Variants in TLR4 observed in about 807,000 individuals in gnomAD.
TLR4 encodes toll like receptor 4, also known as toll-like receptor 4.
TLR4 carries 17 observed loss-of-function variants against 27.4 expected under a neutral mutation model. The observed-to-expected ratio is 0.62, with a 90% CI of 0.42 to 0.93. TLR4 has a LOEUF of 0.93. Among genes scored for constraint, TLR4 ranks in the 40% least tolerant of loss-of-function variants. TLR4 has a pLI of 0.00. For missense variants in TLR4, 926 were observed against 962.3 expected (o/e 0.96, Z 0.50); for synonymous variants, 363 against 365.7 (o/e 0.99, Z 0.08).
chr9:117,710,067 G>T (rs1489916152), intron 2 of TLR4, among the ~76,000 whole-genome samples: 1 of 151,768 alleles, frequency 6.6e-6, no homozygotes, highest in Admixed American at 6.6e-5. Flanking sequence ...AATTTCATTA[G>T]GTTTTTAAAA....
At position 117,720,319 on chromosome 9, in the gene TLR4, A is replaced by G. The variant is rs1829408313; in HGVS notation, c.*5671A>G. On this transcript the variant is annotated 3_prime_UTR_variant, in exon 3 of 3. Transcript: ENST00000355622. ...GGGTGGTTAGTGGAGTGAATGGAGA[A>G]TAATTTAGACAAGGTCAGTAACTCC... The G allele has an allele frequency of 6.6e-6, 1 of 152,116 alleles. No homozygotes were observed. Among genetic ancestry groups the G allele is most frequent in the Non-Finnish European group, 1.5e-5 (1 of 68,022 alleles). The allele number at this position is 152,116 out of a possible 1,614,324, so 9.4% of individuals were successfully genotyped here.
In TLR4 at chr9:117,709,596, G is replaced by A. The variant is rs184512166; in HGVS notation, c.260+867G>A. Among the ~76,000 whole-genome samples, 65 of 152,102 alleles carry A rather than the reference G, an allele frequency of 4.3e-4. 1 individual carries two copies. The highest frequency in any genetic ancestry group is 2.5e-4 in the Non-Finnish European group (17 of 67,964). On this transcript the variant is annotated intron_variant, in intron 2 of 2. Coordinates refer to ENST00000355622, the MANE Select transcript of TLR4 (RefSeq NM_138554.5). Reference sequence around the variant, plus strand: ...ATCATCGGGGCCTTATTTGCAAATCGAACTAGATAATGGATCATGTTCTCT... The same window carrying A: ...ATCATCGGGGCCTTATTTGCAAATCAAACTAGATAATGGATCATGTTCTCT...
rs1829387951 is a variant in TLR4, at chr9:117,718,689, T to C, written c.*4041T>C. On this transcript the variant is annotated 3_prime_UTR_variant, in exon 3 of 3. Coordinates refer to ENST00000355622, the MANE Select transcript of TLR4 (RefSeq NM_138554.5). ...AAATAAGAATAGAACTATGACTTTGTAAGGTTGCTCTAAGGATTGAAAATC... is the reference window on the plus strand; with the variant it reads ...AAATAAGAATAGAACTATGACTTTGCAAGGTTGCTCTAAGGATTGAAAATC... 6.6e-6 allele frequency: 1 copy of C among 152,150 alleles called. No homozygotes were observed. The highest frequency in any genetic ancestry group is 1.5e-5 in the Non-Finnish European group (1 of 68,024). 9.4% of individuals were successfully genotyped at this position (152,150 alleles called of 1,614,324 possible). A position where few individuals can be genotyped will look rare whatever the true frequency, so the allele number is the denominator to read the frequency against.
At chr9:117,707,075 A>G (rs754445741) in intron 1 of TLR4, among the ~76,000 whole-genome samples, 5 of 152,224 alleles carry the variant, frequency 3.3e-5, no homozygotes, top group African/African-American at 4.8e-5. Context: ...CAAACTTGCA[A>G]TGGAATACAG....
In TLR4 at chr9:117,712,785, A is replaced by G. The variant is rs775821556; in HGVS notation, c.657A>G (p.Gln219=). ...DLSLNPMNFI[Q]PGAFKEIRLH... ...CCCTGAACCCTATGAACTTTATCCAACCAGGTGCATTTAAAGAAATTAGGC... is the reference window on the plus strand; with the variant it reads ...CCCTGAACCCTATGAACTTTATCCAGCCAGGTGCATTTAAAGAAATTAGGC... Residue 219 remains glutamine (Q), a synonymous_variant, in exon 3 of 3, where the codon CAA becomes CAG. Transcript: ENST00000355622. 6 of 1,614,026 alleles carry G rather than the reference A, an allele frequency of 3.7e-6. No homozygotes were observed. In the East Asian group the frequency reaches 6.7e-5, roughly 18 times the overall value.
chr9:117,713,624 C>A lies in TLR4; in HGVS notation c.1496C>A (p.Thr499Asn). 1.2e-6 allele frequency: 2 copies of A among 1,614,062 alleles called. No individual in the cohort carries two copies. The highest frequency in any genetic ancestry group is 1.7e-6 in the Non-Finnish European group (2 of 1,180,010). ...PDIFTELRNL[T>N]FLDLSQCQLE... Reference sequence around the variant, plus strand: ...ATCTTCACAGAGCTGAGAAACTTGACCTTCCTGGACCTCTCTCAGTGTCAA... The same window carrying A: ...ATCTTCACAGAGCTGAGAAACTTGAACTTCCTGGACCTCTCTCAGTGTCAA... The change falls in exon 3 of 3, where the codon ACC becomes AAC. Residue 499 changes from threonine (T) to asparagine (N), a missense_variant. Coordinates refer to ENST00000355622, the MANE Select transcript of TLR4 (RefSeq NM_138554.5).
chr9:117,711,619 T>C (rs1829232769), intron 2 of TLR4, among the ~76,000 whole-genome samples: 1 of 152,196 alleles, frequency 6.6e-6, no homozygotes, highest in South Asian at 2.1e-4. Context: ...GTCATTTTTT[T>C]TCTGTCAACC....
rs777038693 is a variant in TLR4, at chr9:117,712,554, G to C, written c.426G>C (p.Glu142Asp). 1.1e-5 allele frequency: 17 copies of C among 1,613,900 alleles called. No individual in the cohort carries two copies. In the South Asian group the frequency reaches 1.9e-4, roughly 18 times the overall value. The part of the protein sequence containing the change: ...VAVETNLASL[E>D]NFPIGHLKTL... The stretch of plus-strand genomic sequence containing the variant: ...TGGAGACAAATCTAGCATCTCTAGA[G>C]AACTTCCCCATTGGACATCTCAAAA... Residue 142 changes from glutamate to aspartate, a missense_variant, in exon 3 of 3, where the codon GAG (glutamate) becomes GAC (aspartate). Coordinates refer to ENST00000355622, the MANE Select transcript of TLR4 (RefSeq NM_138554.5).
rs16906079 is a variant in TLR4 at position 117,712,651 on chromosome 9, A to G, written c.523A>G (p.Thr175Ala). The G allele has an allele frequency of 5.1e-4, 830 of 1,613,610 alleles. 7 individuals carry two copies. The East Asian group carries it at 9.7e-3, about 19-fold the overall frequency. Residue 175 changes from threonine (T) to alanine (A), a missense_variant, in exon 3 of 3, where the codon ACC becomes GCC. Physicochemically the swap from Thr to Ala is moderately conservative, Grantham distance 58. Transcript: ENST00000355622. ...FKLPEYFSNL[T>A]NLEHLDLSSN... ...ATTACCTGAGTATTTTTCTAATCTGACCAATCTAGAGCACTTGGACCTTTC... is the reference window on the plus strand; with the variant it reads ...ATTACCTGAGTATTTTTCTAATCTGGCCAATCTAGAGCACTTGGACCTTTC...
rs1290638014 is a variant in TLR4, at chr9:117,716,979, G to A, written c.*2331G>A. The stretch of plus-strand genomic sequence containing the variant: ...TTTGTTACTGAGTGTTTCAGAGTGT[G>A]TTTGGTTTGAGCAGGTCTAGGGTGA... On this transcript the variant is annotated 3_prime_UTR_variant, in exon 3 of 3. Coordinates refer to ENST00000355622, the MANE Select transcript of TLR4 (RefSeq NM_138554.5). The A allele has an allele frequency of 1.3e-5, 2 of 152,184 alleles. No homozygotes were observed. The highest frequency in any genetic ancestry group is 4.8e-5 in the African/African-American group (2 of 41,446). 9.4% of individuals were successfully genotyped at this position (152,184 alleles called of 1,614,324 possible). A position where few individuals can be genotyped will look rare whatever the true frequency, so the allele number is the denominator to read the frequency against.
intron 2 of TLR4, 136 bp downstream of exon 2, chr9:117,708,865 A>C: frequency 8.6e-7 from 1 of 1,166,114 alleles, no homozygotes; most frequent in Non-Finnish European, 1.2e-6. Flanking sequence ...TGTCTTATTA[A>C]CTATATAACC....
At position 117,708,492 on chromosome 9, in the gene TLR4, C is replaced by G. The variant is rs1270384310; in HGVS notation, c.94-71C>G. ...ACAAAAAGAGGCCCCTCTCCACCAT[C>G]TCTGGTCTAGGAGAGGGGAGTTGGG... On this transcript the variant is annotated intron_variant, in intron 1 of 2. Transcript: ENST00000355622. The G allele has an allele frequency of 5.6e-6, 9 of 1,609,714 alleles. No homozygotes were observed. The East Asian group carries it at 2.0e-4, about 36-fold the overall frequency.
chr9:117,715,348 G>A lies in TLR4; in HGVS notation c.*700G>A, dbSNP rs55996084. ...TATCATAAATAAGGTTGTTTAAGAC[G>A]TGCTTCAAATATCCATATTAACCAC... is the stretch of plus-strand genomic sequence containing the variant. On this transcript the variant is annotated 3_prime_UTR_variant, in exon 3 of 3. Coordinates refer to ENST00000355622, the MANE Select transcript of TLR4 (RefSeq NM_138554.5). The A allele has an allele frequency of 3.3e-5, 5 of 152,222 alleles. No individual in the cohort carries two copies. The South Asian group carries it at 8.3e-4, about 25-fold the overall frequency. The allele number at this position is 152,222 out of a possible 1,614,324, so 9.4% of individuals were successfully genotyped here.
rs1173316105 is a variant in TLR4 at position 117,720,685 on chromosome 9, CA to C, written c.*6038del. On this transcript the variant is annotated 3_prime_UTR_variant, in exon 3 of 3. Transcript: ENST00000355622. The stretch of plus-strand genomic sequence containing the variant: ...TCTCACTATGTAATTAAATCAAAAC[CA>C]GCCAGTTACCAATTTGAGCTCTTGA... 3 of 152,156 alleles carry C rather than the reference CA, an allele frequency of 2.0e-5. No individual in the cohort carries two copies. Among genetic ancestry groups the C allele is most frequent in the African/African-American group, 7.2e-5 (3 of 41,436 alleles). The allele number at this position is 152,156 out of a possible 1,614,324, so 9.4% of individuals were successfully genotyped here.
At position 117,714,520 on chromosome 9, in the gene TLR4, G is replaced by A. The variant is rs200020265; in HGVS notation, c.2392G>A (p.Glu798Lys). The A allele has an allele frequency of 4.9e-5, 79 of 1,613,872 alleles. No individual in the cohort carries two copies. In the African/African-American group the frequency reaches 1.0e-3, roughly 21 times the overall value. Residue 798 changes from glutamate to lysine, a missense_variant, in exon 3 of 3, where the codon GAG becomes AAG. Glu to Lys is a moderately conservative substitution (Grantham distance 56). Transcript: ENST00000355622. Reference sequence around the variant, plus strand: ...CAGCAGGAACACTTACCTGGAGTGGGAGGACAGTGTCCTGGGGCGGCACAT... The same window carrying A: ...CAGCAGGAACACTTACCTGGAGTGGAAGGACAGTGTCCTGGGGCGGCACAT... ...LLSRNTYLEW[E>K]DSVLGRHIFW... is the part of the protein sequence containing the mutation.
chr9:117,704,716 G>GAGA, intron 1 of TLR4, 151 bp downstream of exon 1: 1 of 766,792 alleles, frequency 1.3e-6, no homozygotes, highest in Non-Finnish European at 2.2e-6. Context: ...ATAATTCATT[G>GAGA]TTACAGGGCA....
Position 117,712,396 on chromosome 9 carries a change from A to G in TLR4, c.268A>G (p.Ile90Val). Residue 90 changes from isoleucine to valine, a missense_variant, in exon 3 of 3, where the codon ATC (isoleucine) becomes GTC (valine). By Grantham distance (29) the Ile-to-Val change is conservative (BLOSUM62 3). Transcript: ENST00000355622. ...GTCTTTTTATTCCTGTAGGTGTGAA[A>G]TCCAGACAATTGAAGATGGGGCATA... ...LQVLDLSRCE[I>V]QTIEDGAYQS... 5.6e-6 allele frequency: 9 copies of G among 1,613,720 alleles called. No individual in the cohort carries two copies. Among genetic ancestry groups the G allele is most frequent in the Non-Finnish European group, 7.6e-6 (9 of 1,179,786 alleles).
Position 117,719,777 on chromosome 9 carries a change from A to G in TLR4, c.*5129A>G, listed in dbSNP as rs773873649. ...CTTTCCAGATGGTTGGAATAAGATC[A>G]CACACTCTGGCTGCCCTTATGGAGA... On this transcript the variant is annotated 3_prime_UTR_variant, in exon 3 of 3. Coordinates refer to ENST00000355622, the MANE Select transcript of TLR4 (RefSeq NM_138554.5). 12 of 152,188 alleles carry G rather than the reference A, an allele frequency of 7.9e-5. No homozygotes were observed. Among genetic ancestry groups the G allele is most frequent in the Non-Finnish European group, 1.2e-4 (8 of 68,034 alleles). The allele number at this position is 152,188 out of a possible 1,614,324, so 9.4% of individuals were successfully genotyped here. A position where few individuals can be genotyped will look rare whatever the true frequency, so the allele number is the denominator to read the frequency against.
intron 2 of TLR4, among the ~76,000 whole-genome samples, chr9:117,710,910 TG>T (rs1829220603): frequency 2.0e-5 from 3 of 152,144 alleles, no homozygotes; most frequent in African/African-American, 7.2e-5. Flanking sequence ...TTCTCTAAAG[TG>T]ATTATCACCA....
Sources: allele counts gnomAD v4.1 joint callset (sites outside exome capture counted in the v4.1 genomes callset), GRCh38; gene constraint gnomAD v4.1.1; transcripts MANE v1.5; gene names NCBI Gene and HGNC (gene_info 2026-07-23, HGNC 2026-07-21).